The following RORA variants were observed in gnomAD, a reference collection of about 807,000 sequenced individuals.
RORA encodes RAR related orphan receptor A, also known as nuclear receptor ROR-alpha.
A neutral mutation model predicts 69.5 loss-of-function variants in RORA; 7 were observed. That is an observed-to-expected ratio of 0.10 (90% CI 0.06 to 0.19). The LOEUF is 0.19. RORA is among the 10% of genes least tolerant of loss of function. RORA has a pLI of 1.00. For synonymous variants in RORA, 261 were observed against 240.8 expected (o/e 1.08, Z -0.78); for missense variants, 457 against 663.0 (o/e 0.69, Z 3.41).
chr15:60,729,631 G>T (rs2071404622), intron 1 of RORA, among the ~76,000 whole-genome samples: 1 of 152,148 alleles, frequency 6.6e-6, no homozygotes, highest in African/African-American at 2.4e-5. Flanking sequence ...GAGGTGCAAG[G>T]GATCTTTCTG....
chr15:61,154,157 C>T (rs948904363), intron 1 of RORA, among the ~76,000 whole-genome samples: 6 of 152,148 alleles, frequency 3.9e-5, no homozygotes, highest in Non-Finnish European at 7.4e-5. Flanking sequence ...ATCCACATCT[C>T]ATTTTGAAGG....
intron 3 of RORA, among the ~76,000 whole-genome samples, chr15:60,516,236 T>A (rs1160014598): frequency 5.3e-5 from 3 of 57,132 alleles, no homozygotes; most frequent in African/African-American, 3.0e-4. Context: ...TATATATATT[T>A]ATATATATAT....
intron 1 of RORA, among the ~76,000 whole-genome samples, chr15:61,030,887 T>C (rs1025152310): frequency 6.6e-6 from 1 of 152,196 alleles, no homozygotes; most frequent in Non-Finnish European, 1.5e-5. Context: ...AAATATAGTT[T>C]AAAACTCACA....
chr15:60,743,480 A>C (rs1322508450), intron 1 of RORA, among the ~76,000 whole-genome samples: 1 of 152,228 alleles, frequency 6.6e-6, no homozygotes, highest in Non-Finnish European at 1.5e-5. Flanking sequence ...CTTAAGCTTG[A>C]CTAAGACCAT....
At chr15:60,785,076 C>T (rs753688561) in intron 1 of RORA, among the ~76,000 whole-genome samples, 12 of 152,170 alleles carry the variant, frequency 7.9e-5, no homozygotes, top group African/African-American at 1.2e-4. Flanking sequence ...AAGCAGCATC[C>T]GTTTGCATTT....
chr15:60,752,785 G>A (rs1451703563), intron 1 of RORA, among the ~76,000 whole-genome samples: 1 of 152,134 alleles, frequency 6.6e-6, no homozygotes, highest in East Asian at 1.9e-4. Context: ...TGGTGCAGGG[G>A]CCATTGGATG....
intron 2 of RORA, among the ~76,000 whole-genome samples, chr15:60,678,033 C>T (rs755078382): frequency 5.3e-5 from 8 of 152,176 alleles, no homozygotes; most frequent in Non-Finnish European, 1.0e-4. Context: ...CTTACATTGA[C>T]GTGAGTTTGT....
Position 60,565,192 on chromosome 15 carries a change from C to A in RORA, c.197-33341G>T, listed in dbSNP as rs534120038. Among the ~76,000 whole-genome samples, 9 of 152,278 alleles carry A rather than the reference C, an allele frequency of 5.9e-5. No individual in the cohort carries two copies. In the South Asian group the frequency reaches 1.9e-3, roughly 32 times the overall value. Reference sequence around the variant, plus strand: ...AAACTGCTATATTCCCAAGAATTCTCCCATAAAGGTAAATTCCACAGATAA... The same window carrying A: ...AAACTGCTATATTCCCAAGAATTCTACCATAAAGGTAAATTCCACAGATAA... On this transcript the variant is annotated intron_variant, in intron 2 of 10. Coordinates refer to ENST00000335670, the MANE Select transcript of RORA (RefSeq NM_134261.3).
intron 1 of RORA, among the ~76,000 whole-genome samples, chr15:60,689,893 G>C (rs959710476): frequency 6.6e-6 from 1 of 152,184 alleles, no homozygotes; most frequent in Non-Finnish European, 1.5e-5. Flanking sequence ...GAGGGAGCAA[G>C]GCTCTGCTGC....
intron 1 of RORA, among the ~76,000 whole-genome samples, chr15:60,898,569 C>G (rs1339057581): frequency 6.6e-6 from 1 of 151,664 alleles, no homozygotes; most frequent in Non-Finnish European, 1.5e-5. Context: ...ACTGGTGGTA[C>G]ACACCTATAG....
rs147819734 is a variant in RORA, at chr15:60,767,024, G to C, written c.167-88338C>G. ...CAGGTTGTGTATGGCCCAAAGACAT[G>C]TACTGTTTTGCCTACACTGTGTTTT... On this transcript the variant is annotated intron_variant, in intron 1 of 10. Transcript: ENST00000335670. 6.0e-3 allele frequency among the ~76,000 whole-genome samples: 919 copies of C among 152,300 alleles called. 8 individuals are homozygous for C. Among genetic ancestry groups the C allele is most frequent in the African/African-American group, 0.02 (811 of 41,562 alleles).
In RORA at chr15:60,596,470, T is replaced by G. The variant is rs114356314; in HGVS notation, c.197-64619A>C. Among the ~76,000 whole-genome samples the G allele has an allele frequency of 3.1e-3, 471 of 152,256 alleles. 2 individuals carry two copies. Among genetic ancestry groups the G allele is most frequent in the African/African-American group, 0.011 (448 of 41,548 alleles). On this transcript the variant is annotated intron_variant, in intron 2 of 10. Transcript: ENST00000335670. ...AGGAGTTGAGCCATTCTGGTTGACA[T>G]AGAGCCAGGGGACCAAGTTTCCTAT...
intron 2 of RORA, chr15:60,558,054 G>A (rs2067418651): frequency 2.3e-6 from 1 of 427,690 alleles, no homozygotes; most frequent in Non-Finnish European, 4.1e-6. Context: ...CCTTAGTAGT[G>A]CCAATGACGA....
chr15:60,889,154 C>T (rs906245607), intron 1 of RORA, among the ~76,000 whole-genome samples: 9 of 152,230 alleles, frequency 5.9e-5, no homozygotes, highest in Non-Finnish European at 1.2e-4. Flanking sequence ...CACCATTATC[C>T]TGGCTGCAGC....
At chr15:61,178,247 A>T (rs1396767770) in intron 1 of RORA, among the ~76,000 whole-genome samples, 1 of 152,234 alleles carries the variant, frequency 6.6e-6, no homozygotes. Context: ...TGACTTTCCT[A>T]AAGTGATACA....
intron 1 of RORA, among the ~76,000 whole-genome samples, chr15:61,124,567 G>A (rs2079128395): frequency 1.3e-5 from 2 of 152,288 alleles, no homozygotes; most frequent in South Asian, 2.1e-4. Context: ...TTTAGTTTCC[G>A]ATGTAGGTCA....
At chr15:60,886,775 G>C (rs893512376) in intron 1 of RORA, among the ~76,000 whole-genome samples, 1 of 152,224 alleles carries the variant, frequency 6.6e-6, no homozygotes, top group Non-Finnish European at 1.5e-5. Flanking sequence ...TCCAGGTTTT[G>C]CAATGGGGAT....
chr15:60,664,554 C>T (rs183649452), intron 2 of RORA, among the ~76,000 whole-genome samples: 15 of 152,238 alleles, frequency 9.9e-5, no homozygotes, highest in South Asian at 4.2e-4. Context: ...TGCTAATAGA[C>T]GCCTCATGAG....
At chr15:60,788,106 G>C (rs1214687630) in intron 1 of RORA, among the ~76,000 whole-genome samples, 1 of 152,252 alleles carries the variant, frequency 6.6e-6, no homozygotes, top group South Asian at 2.1e-4. Context: ...AGAGGCAGAA[G>C]AAGCTTCGGT....
Sources: allele counts gnomAD v4.1 joint callset (sites outside exome capture counted in the v4.1 genomes callset), GRCh38; gene constraint gnomAD v4.1.1; transcripts MANE v1.5; gene names NCBI Gene and HGNC (gene_info 2026-07-23, HGNC 2026-07-21).